SMG6: variants seen among roughly 807,000 people sequenced by gnomAD.
The protein encoded by SMG6 is telomerase-binding protein EST1A.
Under a neutral mutation model 142.2 loss-of-function variants are expected in SMG6, and 66 were observed. That is an observed-to-expected ratio of 0.46 (90% confidence interval 0.38 to 0.57). The LOEUF is 0.57. Ranked by LOEUF, SMG6 falls within the 20% of genes least tolerant of loss-of-function variation. SMG6 has a pLI of 0.00. For synonymous variants in SMG6, 779 were observed against 702.4 expected, an observed-to-expected ratio of 1.11 and a Z score of -1.72; for missense variants, 1,793 against 1,832.0, an observed-to-expected ratio of 0.98 and a Z score of 0.39.
chr17:2,127,905 G>A (rs2069954074), intron 13 of SMG6: 2 of 566,840 alleles, frequency 3.5e-6, no homozygotes, highest in Non-Finnish European at 7.0e-6. Context: ...CGATGTCCAC[G>A]TTGGCCTCCA....
intron 13 of SMG6, among the ~76,000 whole-genome samples, chr17:2,152,058 G>C (rs1226314341): frequency 6.6e-6 from 1 of 152,232 alleles, no homozygotes; most frequent in African/African-American, 2.4e-5. Flanking sequence ...CAAGAAGCTG[G>C]CCTGACCTCT....
intron 13 of SMG6, among the ~76,000 whole-genome samples, chr17:2,125,359 A>C (rs947496467): frequency 6.6e-6 from 1 of 152,222 alleles, no homozygotes; most frequent in Non-Finnish European, 1.5e-5. Flanking sequence ...AGGCCTCTGA[A>C]GACGTCACTA....
At chr17:2,179,995 A>C (rs1454512730) in intron 12 of SMG6, among the ~76,000 whole-genome samples, 1 of 152,210 alleles carries the variant, frequency 6.6e-6, no homozygotes, top group African/African-American at 2.4e-5. Flanking sequence ...TGAGAACTAG[A>C]AATCAGGATA....
intron 13 of SMG6, among the ~76,000 whole-genome samples, chr17:2,166,419 T>C (rs992838042): frequency 6.6e-6 from 1 of 152,026 alleles, no homozygotes; most frequent in African/African-American, 2.4e-5. Flanking sequence ...GGGGAAAAAA[T>C]GCCAAATGAA....
At chr17:2,267,968 C>T (rs1183496576) in intron 8 of SMG6, among the ~76,000 whole-genome samples, 3 of 152,078 alleles carry the variant, frequency 2.0e-5, no homozygotes, top group Non-Finnish European at 2.9e-5. Flanking sequence ...AGGGTAGTCT[C>T]GATCTCCTGA....
chr17:2,217,069 T>A (rs915628440), intron 10 of SMG6, among the ~76,000 whole-genome samples: 2 of 152,172 alleles, frequency 1.3e-5, no homozygotes, highest in African/African-American at 4.8e-5. Context: ...TCAACAAACA[T>A]TTATTAAATG....
At chr17:2,110,378 G>T (rs2069279044) in intron 13 of SMG6, among the ~76,000 whole-genome samples, 1 of 152,128 alleles carries the variant, frequency 6.6e-6, no homozygotes, top group Non-Finnish European at 1.5e-5. Flanking sequence ...GTTCTTCAGA[G>T]ATAGTTCTGC....
chr17:2,148,192 AAAAATAAAAT>A (rs563889902), intron 13 of SMG6, among the ~76,000 whole-genome samples: 3 of 152,124 alleles, frequency 2.0e-5, no homozygotes, highest in East Asian at 3.8e-4. Context: ...CCCCATCTCA[AAAAATAAAAT>A]AAAATAAAAT....
chr17:2,291,968 T>C (rs1486861576), intron 6 of SMG6, among the ~76,000 whole-genome samples: 3 of 152,144 alleles, frequency 2.0e-5, no homozygotes, highest in East Asian at 1.9e-4. Context: ...CCCCCTTGAA[T>C]TGAGCTTTCT....
At chr17:2,168,089 A>T (rs138823439) in intron 13 of SMG6, among the ~76,000 whole-genome samples, 23 of 152,312 alleles carry the variant, frequency 1.5e-4, no homozygotes, top group African/African-American at 5.5e-4. Context: ...GCTGGTTTAG[A>T]GATCCTGGTC....
intron 8 of SMG6, among the ~76,000 whole-genome samples, chr17:2,258,614 GCAA>G (rs55926949): frequency 0.42 from 62,389 of 148,728 alleles, 14,226 homozygotes; most frequent in African/African-American, 0.61. Flanking sequence ...ACCAGCCTGG[GCAA>G]CATAGAGAGA....
chr17:2,093,638 C>T (rs1420518851), intron 13 of SMG6, among the ~76,000 whole-genome samples: 1 of 152,000 alleles, frequency 6.6e-6, no homozygotes, highest in Non-Finnish European at 1.5e-5. Context: ...TAGCCTAGGG[C>T]CAAGGGGAGA....
rs187395791 is a variant in SMG6, at chr17:2,267,109, T to C, written c.2661+15538A>G. Among the ~76,000 whole-genome samples, 9 of 152,316 alleles carry C rather than the reference T, an allele frequency of 5.9e-5. No individual in the cohort carries two copies. In the East Asian group the frequency reaches 1.4e-3, roughly 23 times the overall value. ...AGTGAAGAGTACAGCCTGAGGTACA[T>C]ATTGCAAACTACTTTACAAAAGCAT... is the stretch of plus-strand genomic sequence containing the variant. On this transcript the variant is annotated intron_variant, in intron 8 of 18. Transcript: ENST00000263073.
At chr17:2,129,342 T>C (rs939585472) in intron 13 of SMG6, among the ~76,000 whole-genome samples, 6 of 152,060 alleles carry the variant, frequency 3.9e-5, no homozygotes, top group African/African-American at 1.4e-4. Context: ...TATTAATGTG[T>C]AACCCCATAT....
rs1475765933 is a variant in SMG6 at position 2,226,591 on chromosome 17, CAAACAAACAAAAAAA to C, written c.2869+9886_2869+9900del. On this transcript the variant is annotated intron_variant, in intron 10 of 18. Transcript: ENST00000263073. ...GAGACTCTGTCTTAAAACAAACAAA[CAAACAAACAAAAAAA>C]AAACAAACAAGTGGGGCTGGGCTCA... Among the ~76,000 whole-genome samples, 8 of 146,448 alleles carry C rather than the reference CAAACAAACAAAAAAA, an allele frequency of 5.5e-5. No individual in the cohort carries two copies. The East Asian group carries it at 1.6e-3, about 30-fold the overall frequency.
intron 13 of SMG6, among the ~76,000 whole-genome samples, chr17:2,092,463 C>T (rs2068752455): frequency 6.6e-6 from 1 of 152,208 alleles, no homozygotes; most frequent in Non-Finnish European, 1.5e-5. Context: ...TGCACAGATG[C>T]CTGCTGTCCC....
chr17:2,182,741 C>G (rs1249649682), intron 12 of SMG6, among the ~76,000 whole-genome samples: 1 of 152,144 alleles, frequency 6.6e-6, no homozygotes, highest in Non-Finnish European at 1.5e-5. Context: ...CATTACTTCT[C>G]TCCAGAGAAG....
chr17:2,298,884 G>A (rs72819599), intron 2 of SMG6, 22 bp downstream of exon 2: 2 of 1,596,088 alleles, frequency 1.3e-6, no homozygotes, highest in African/African-American at 1.3e-5. Flanking sequence ...TTTCCCTCCA[G>A]CCAGAATAGA....
intron 9 of SMG6, among the ~76,000 whole-genome samples, chr17:2,241,182 T>C (rs1318717875): frequency 6.6e-6 from 1 of 152,190 alleles, no homozygotes; most frequent in Non-Finnish European, 1.5e-5. Flanking sequence ...TGGCTTTACC[T>C]TTTTGACAAC....
Sources: gnomAD v4.1 joint callset for allele counts (sites outside exome capture counted in the v4.1 genomes callset) on GRCh38, gnomAD v4.1.1 for gene constraint, MANE v1.5 for transcripts, NCBI Gene and HGNC (gene_info 2026-07-23, HGNC 2026-07-21) for gene names.